Variants in HLF observed in about 807,000 individuals in gnomAD.
HLF encodes HLF transcription factor, PAR bZIP family member.
In HLF, 3 loss-of-function variants were observed where a neutral mutation model predicts 22.6. The ratio of observed to expected loss-of-function variants is 0.13; its 90% confidence interval spans 0.06 to 0.34. The LOEUF (loss-of-function observed/expected upper bound fraction) is 0.34, where lower values mean the gene tolerates loss of function less well. Among genes scored for constraint, HLF ranks in the 10% least tolerant of loss-of-function variants. The pLI is 1.00. For missense variants in HLF, 299 were observed against 389.2 expected, an observed-to-expected ratio of 0.77 and a Z score of 1.95; for synonymous variants, 151 against 151.8, an observed-to-expected ratio of 0.99 and a Z score of 0.04.
chr17:55,303,000 A>G (rs1474092724), intron 2 of HLF, among the ~76,000 whole-genome samples: 1 of 152,212 alleles, frequency 6.6e-6, no homozygotes, highest in African/African-American at 2.4e-5. Flanking sequence ...GAATGAGGCT[A>G]TAGATAGGCA....
chr17:55,300,330 G>A (rs2081146222), intron 2 of HLF, among the ~76,000 whole-genome samples: 1 of 152,154 alleles, frequency 6.6e-6, no homozygotes, highest in Admixed American at 6.5e-5. Context: ...CTCTTCAGCT[G>A]TGCCTAAACT....
At chr17:55,269,110 C>T (rs536483535) in intron 2 of HLF, among the ~76,000 whole-genome samples, 7 of 152,272 alleles carry the variant, frequency 4.6e-5, no homozygotes, top group South Asian at 2.1e-4. Flanking sequence ...TACTGAACTC[C>T]GTGTCCTCGA....
At chr17:55,307,181 T>G (rs1904618007) in intron 2 of HLF, among the ~76,000 whole-genome samples, 1 of 128,636 alleles carries the variant, frequency 7.8e-6, no homozygotes, top group Non-Finnish European at 1.6e-5. Flanking sequence ...TGAGACGGAG[T>G]CTGGTTCTGT....
intron 2 of HLF, among the ~76,000 whole-genome samples, chr17:55,313,376 G>T (rs772103113): frequency 3.3e-5 from 5 of 151,894 alleles, no homozygotes; most frequent in Non-Finnish European, 5.9e-5. Context: ...GTGTGTGTGT[G>T]TGTGTGTGTG....
intron 2 of HLF, among the ~76,000 whole-genome samples, chr17:55,304,805 T>G (rs1381360856): frequency 2.0e-5 from 3 of 152,248 alleles, no homozygotes; most frequent in African/African-American, 7.2e-5. Flanking sequence ...CGCCCTGAGG[T>G]GGGCGTCATT....
chr17:55,300,174 T>C (rs2081144882), intron 2 of HLF, among the ~76,000 whole-genome samples: 1 of 152,198 alleles, frequency 6.6e-6, no homozygotes, highest in African/African-American at 2.4e-5. Context: ...AGCCACTTGA[T>C]TAGGAGGCAC....
chr17:55,288,500 C>T (rs113679363), intron 2 of HLF, among the ~76,000 whole-genome samples: 35,306 of 151,954 alleles, frequency 0.23, 4,320 homozygotes, highest in African/African-American at 0.29. Flanking sequence ...CCATGGCTCA[C>T]GCCTATAATC....
At chr17:55,299,275 T>G (rs781167901) in intron 2 of HLF, among the ~76,000 whole-genome samples, 5 of 152,212 alleles carry the variant, frequency 3.3e-5, no homozygotes, top group Non-Finnish European at 7.3e-5. Context: ...ACTTATTGCT[T>G]AGCAACACTT....
Position 55,321,621 on chromosome 17 carries a change from G to A in HLF, c.*742G>A, listed in dbSNP as rs974825774. 1 of 227,544 alleles carries A rather than the reference G, an allele frequency of 4.4e-6. No individual in the cohort carries two copies. Among genetic ancestry groups the A allele is most frequent in the Non-Finnish European group, 8.7e-6 (1 of 114,416 alleles). 14.1% of individuals were successfully genotyped at this position (227,544 alleles called of 1,614,324 possible). A position where few individuals can be genotyped will look rare whatever the true frequency, so the allele number is the denominator to read the frequency against. ...ACCTAAAGCAATAATCCTATTGTAC[G>A]CTAGAGCATGCTGCCTGAGTATTAC... is the stretch of plus-strand genomic sequence containing the variant. On this transcript the variant is annotated 3_prime_UTR_variant, in exon 4 of 4. Coordinates refer to ENST00000226067, the MANE Select transcript of HLF (RefSeq NM_002126.5).
chr17:55,288,638 C>T (rs1319541811), intron 2 of HLF, among the ~76,000 whole-genome samples: 2 of 151,774 alleles, frequency 1.3e-5, no homozygotes, highest in South Asian at 4.2e-4. Context: ...GGTGTGGTGT[C>T]CCAACTACTA....
intron 2 of HLF, among the ~76,000 whole-genome samples, chr17:55,305,906 C>T (rs1048707928): frequency 1.3e-5 from 2 of 152,302 alleles, no homozygotes; most frequent in South Asian, 4.2e-4. Context: ...TTTCCATCTG[C>T]GTGGGCAAAT....
chr17:55,300,325 C>T (rs2081146194), intron 2 of HLF, among the ~76,000 whole-genome samples: 1 of 152,232 alleles, frequency 6.6e-6, no homozygotes, highest in Non-Finnish European at 1.5e-5. Flanking sequence ...TCCTCCTCTT[C>T]AGCTGTGCCT....
intron 3 of HLF, among the ~76,000 whole-genome samples, chr17:55,316,536 A>G (rs1905071535): frequency 6.6e-6 from 1 of 152,262 alleles, no homozygotes; most frequent in Non-Finnish European, 1.5e-5. Context: ...ACCTTAATTG[A>G]TGCAGAATAG....
chr17:55,314,675 A>G (rs1457975774), intron 2 of HLF, among the ~76,000 whole-genome samples: 5 of 152,108 alleles, frequency 3.3e-5, no homozygotes, highest in Non-Finnish European at 5.9e-5. Context: ...TGGCACCTAG[A>G]ATACCCTTTT....
At chr17:55,302,371 C>T (rs11651545) in intron 2 of HLF, among the ~76,000 whole-genome samples, 21,956 of 152,140 alleles carry the variant, frequency 0.14, 2,027 homozygotes, top group Non-Finnish European at 0.2. Flanking sequence ...GAGACTCATG[C>T]GGGAAAGAAT....
intron 1 of HLF, chr17:55,266,406 A>T (rs981428018): frequency 6.6e-6 from 1 of 152,270 alleles, no homozygotes; most frequent in Non-Finnish European, 1.5e-5. Flanking sequence ...AAGTGATGCC[A>T]CGGATTTGGG....
chr17:55,278,176 A>G (rs2080923483), intron 2 of HLF, among the ~76,000 whole-genome samples: 1 of 152,222 alleles, frequency 6.6e-6, no homozygotes, highest in Non-Finnish European at 1.5e-5. Context: ...TTGCCTCTCA[A>G]ATTTTGCCTG....
chr17:55,285,793 C>T (rs569883361), intron 2 of HLF, among the ~76,000 whole-genome samples: 20 of 152,308 alleles, frequency 1.3e-4, no homozygotes, highest in South Asian at 1.0e-3. Flanking sequence ...AGAACATCCA[C>T]GGTGGTGTCT....
intron 2 of HLF, among the ~76,000 whole-genome samples, chr17:55,281,839 A>G (rs2080958407): frequency 6.6e-6 from 1 of 152,244 alleles, no homozygotes; most frequent in Non-Finnish European, 1.5e-5. Context: ...AAATTTGGGC[A>G]TATCTCAGTG....
Sources: allele counts gnomAD v4.1 joint callset (sites outside exome capture counted in the v4.1 genomes callset), GRCh38; gene constraint gnomAD v4.1.1; transcripts MANE v1.5; gene names NCBI Gene and HGNC (gene_info 2026-07-23, HGNC 2026-07-21).